The following CTSC variants were observed in gnomAD, a reference collection of about 807,000 sequenced individuals.
CTSC encodes cathepsin C, also known as dipeptidyl peptidase 1.
CTSC carries 37 observed loss-of-function variants against 40.9 expected under a neutral mutation model. That is an observed-to-expected ratio of 0.91 (90% CI 0.70 to 1.19). The LOEUF is 1.19. Among genes scored for constraint, CTSC ranks in the 50% most tolerant of loss-of-function variants. CTSC has a pLI of 0.00. For missense variants in CTSC, 594 were observed against 567.3 expected (o/e 1.05, Z -0.48); for synonymous variants, 232 against 207.4 (o/e 1.12, Z -1.02).
intron 5 of CTSC, chr11:88,299,683 C>A (rs144552322): frequency 6.6e-6 from 1 of 152,128 alleles, no homozygotes; most frequent in African/African-American, 2.4e-5. Flanking sequence ...ATTTATAATC[C>A]TCCCAGGAGA....
chr11:88,323,927 T>C (rs1210528314), intron 2 of CTSC: 2 of 151,992 alleles, frequency 1.3e-5, no homozygotes, highest in Non-Finnish European at 2.9e-5. Context: ...AAAATTCATA[T>C]AGAACCAAAA....
chr11:88,296,588 A>G, intron 5 of CTSC: 1 of 357,524 alleles, frequency 2.8e-6, no homozygotes, highest in South Asian at 2.2e-5. Context: ...TATGTCTACA[A>G]CGTTCAAAGC....
chr11:88,315,689 TAAGG>T (rs964846279), intron 2 of CTSC, among the ~76,000 whole-genome samples: 1 of 152,126 alleles, frequency 6.6e-6, no homozygotes, highest in Non-Finnish European at 1.5e-5. Flanking sequence ...AAAAAAGACC[TAAGG>T]AAGTGGTGGA....
At chr11:88,334,503 T>C (rs1938439610) in intron 2 of CTSC, among the ~76,000 whole-genome samples, 2 of 152,202 alleles carry the variant, frequency 1.3e-5, no homozygotes, top group Admixed American at 1.3e-4. Context: ...AATGAATCAT[T>C]TAGGCCTATC....
chr11:88,299,864 C>G (rs1303081651), intron 5 of CTSC: 1 of 152,206 alleles, frequency 6.6e-6, no homozygotes, highest in East Asian at 1.9e-4. Context: ...AATTTGCTAT[C>G]AAGTGCAGTT....
At chr11:88,303,370 G>T (rs1222425134) in intron 4 of CTSC, among the ~76,000 whole-genome samples, 1 of 152,192 alleles carries the variant, frequency 6.6e-6, no homozygotes, top group Non-Finnish European at 1.5e-5. Flanking sequence ...CCAATTGAAA[G>T]CCCTAGGTTG....
chr11:88,333,621 A>G (rs1003732193), intron 2 of CTSC, among the ~76,000 whole-genome samples: 28 of 152,232 alleles, frequency 1.8e-4, no homozygotes, highest in African/African-American at 6.8e-4. Flanking sequence ...TACACCAAAG[A>G]TTATTTTCAG....
chr11:88,318,227 T>G (rs564916693), intron 2 of CTSC, among the ~76,000 whole-genome samples: 8 of 152,250 alleles, frequency 5.3e-5, no homozygotes, highest in Non-Finnish European at 1.2e-4. Flanking sequence ...AGAGGCAGTT[T>G]AGTAAAGTGG....
chr11:88,332,884 A>G (rs1198798781), intron 2 of CTSC, among the ~76,000 whole-genome samples: 1 of 152,212 alleles, frequency 6.6e-6, no homozygotes, highest in Non-Finnish European at 1.5e-5. Context: ...GCAGGGTTCT[A>G]CCCTCCAACA....
intron 2 of CTSC, chr11:88,322,606 A>T (rs1938051738): frequency 6.6e-6 from 1 of 152,308 alleles, no homozygotes; most frequent in East Asian, 1.9e-4. Context: ...GATCTCACAG[A>T]AGTACAAACA....
chr11:88,296,269 C>T lies in CTSC; in HGVS notation c.758-5G>A, dbSNP rs569733771. 21 of 1,612,610 alleles carry T rather than the reference C, an allele frequency of 1.3e-5. No homozygotes were observed. The highest frequency in any genetic ancestry group is 6.7e-5 in the East Asian group (3 of 44,826). ...AGTAGCAGCTGCCACAGGATGCTGG[C>T]GATGAAAAAAAGACACATAATCCAA... On this transcript the variant is annotated splice_region_variant and splice_polypyrimidine_tract_variant and intron_variant, in intron 5 of 6. Transcript: ENST00000227266.
intron 2 of CTSC, among the ~76,000 whole-genome samples, chr11:88,318,910 AAAAT>A (rs534043337): frequency 7.9e-5 from 12 of 152,244 alleles, no homozygotes; most frequent in Admixed American, 5.2e-4. Flanking sequence ...CACCGGCTCA[AAAAT>A]AAATAAATAA....
Position 88,306,197 on chromosome 11 carries a change from T to C in CTSC, c.641+2966A>G, listed in dbSNP as rs72964973. Reference sequence around the variant, plus strand: ...AGAATTATGGGAGGATGCCATCAGTTGGACAGGAAAAACCTTCACATAGTC... The same window carrying C: ...AGAATTATGGGAGGATGCCATCAGTCGGACAGGAAAAACCTTCACATAGTC... On this transcript the variant is annotated intron_variant, in intron 4 of 6. Transcript: ENST00000227266. Among the ~76,000 whole-genome samples, 1,020 of 152,328 alleles carry C rather than the reference T, an allele frequency of 6.7e-3. 3 individuals carry two copies. The highest frequency in any genetic ancestry group is 0.012 in the Non-Finnish European group (786 of 68,022).
chr11:88,332,962 G>C (rs1938402088), intron 2 of CTSC, among the ~76,000 whole-genome samples: 1 of 152,170 alleles, frequency 6.6e-6, no homozygotes, highest in Non-Finnish European at 1.5e-5. Flanking sequence ...TTTAAAAAGT[G>C]ATTTTCTATT....
intron 6 of CTSC, among the ~76,000 whole-genome samples, chr11:88,295,147 T>G (rs1234398611): frequency 6.6e-6 from 1 of 152,214 alleles, no homozygotes; most frequent in Non-Finnish European, 1.5e-5. Context: ...TCTTGATATA[T>G]TATAGCCCCT....
intron 2 of CTSC, chr11:88,326,499 A>G (rs1211454857): frequency 1.9e-6 from 2 of 1,069,230 alleles, no homozygotes; most frequent in African/African-American, 1.6e-5. Context: ...TTGTCTCTTA[A>G]TATTTAATCA....
intron 5 of CTSC, 21 bp downstream of exon 5, chr11:88,300,509 A>T: frequency 9.0e-6 from 13 of 1,451,318 alleles, no homozygotes; most frequent in Non-Finnish European, 1.3e-5. Context: ...ATTAACAAAA[A>T]ACTTAGGCTT....
chr11:88,337,730 T>A lies in CTSC; in HGVS notation c.-58A>T. The A allele has an allele frequency of 1.3e-6, 2 of 1,540,784 alleles. No individual in the cohort carries two copies. The highest frequency in any genetic ancestry group is 2.4e-5 in the South Asian group (2 of 83,916). ...TACCAGGAAGCCGAGCGCTGCGGGC[T>A]AGCGGTGAGTCCACCACGAGGCGCG... On this transcript the variant is annotated 5_prime_UTR_variant, in exon 1 of 7. Coordinates refer to ENST00000227266, the MANE Select transcript of CTSC (RefSeq NM_001814.6).
At chr11:88,296,367 T>C (rs1163437538) in intron 5 of CTSC, 103 bp from the exon 6 acceptor site, 1 of 1,411,818 alleles carries the variant, frequency 7.1e-7, no homozygotes, top group African/African-American at 1.4e-5. Context: ...TTATACTGAA[T>C]GTTGTTGTTT....
Sources: gnomAD v4.1 joint callset for allele counts (sites outside exome capture counted in the v4.1 genomes callset) on GRCh38, gnomAD v4.1.1 for gene constraint, MANE v1.5 for transcripts, NCBI Gene and HGNC (gene_info 2026-07-23, HGNC 2026-07-21) for gene names.